SDK1: variants seen among roughly 807,000 people sequenced by gnomAD.
The protein encoded by SDK1 is sidekick cell adhesion molecule 1.
A neutral mutation model predicts 245.5 loss-of-function variants in SDK1; 157 were observed. The ratio of observed to expected loss-of-function variants is 0.64; its 90% confidence interval spans 0.56 to 0.73. SDK1 has a LOEUF of 0.73. Ranked by LOEUF, SDK1 falls within the 30% of genes least tolerant of loss-of-function variation. The probability of loss-of-function intolerance (pLI) is 0.00; values close to 1 mark genes in which losing one functional copy is unlikely to be tolerated. For missense variants in SDK1, 3,583 were observed against 3,002.3 expected, an observed-to-expected ratio of 1.19 and a Z score of -4.52; for synonymous variants, 1,647 against 1,278.5, an observed-to-expected ratio of 1.29 and a Z score of -6.15.
chr7:3,601,912 A>G (rs1341184572), intron 1 of SDK1, among the ~76,000 whole-genome samples: 2 of 148,158 alleles, frequency 1.3e-5, no homozygotes, highest in Admixed American at 1.4e-4. Context: ...CCACCTATGA[A>G]TGAGAACATG....
intron 32 of SDK1, among the ~76,000 whole-genome samples, chr7:4,170,377 G>T (rs1330420170): frequency 2.0e-5 from 3 of 152,062 alleles, no homozygotes; most frequent in Non-Finnish European, 2.9e-5. Flanking sequence ...AGCCCAGGAG[G>T]TCGAGGCTGC....
chr7:4,247,959 C>T (rs1052410923), intron 44 of SDK1, among the ~76,000 whole-genome samples: 11 of 152,106 alleles, frequency 7.2e-5, no homozygotes, highest in Admixed American at 3.3e-4. Flanking sequence ...CTAGAGCAGG[C>T]GGGCAGGATT....
At chr7:3,981,914 A>G (rs1480666922) in intron 13 of SDK1, among the ~76,000 whole-genome samples, 1 of 152,224 alleles carries the variant, frequency 6.6e-6, no homozygotes, top group East Asian at 1.9e-4. Context: ...AGGAACAGTG[A>G]CGAGGGTGGC....
chr7:3,506,376 AT>A (rs951821493), intron 1 of SDK1, among the ~76,000 whole-genome samples: 1 of 151,972 alleles, frequency 6.6e-6, no homozygotes, highest in African/African-American at 2.4e-5. Flanking sequence ...TGTAAGTTGT[AT>A]TTTTTCCCTT....
chr7:4,071,854 A>T (rs1228083380), intron 20 of SDK1, among the ~76,000 whole-genome samples: 1 of 152,184 alleles, frequency 6.6e-6, no homozygotes, highest in Non-Finnish European at 1.5e-5. Flanking sequence ...GCAGTCGGCC[A>T]TGTTTTGGAA....
chr7:4,196,171 A>G (rs1282363819), intron 35 of SDK1, among the ~76,000 whole-genome samples: 1 of 152,140 alleles, frequency 6.6e-6, no homozygotes, highest in East Asian at 1.9e-4. Flanking sequence ...TAACCCCTCA[A>G]GGCCTCGGCT....
chr7:3,723,433 A>C (rs1333161346), intron 4 of SDK1, among the ~76,000 whole-genome samples: 1 of 152,210 alleles, frequency 6.6e-6, no homozygotes, highest in Admixed American at 6.5e-5. Context: ...TAATAAGGGG[A>C]TCTCCCTGTG....
intron 5 of SDK1, among the ~76,000 whole-genome samples, chr7:3,897,719 C>T (rs964701566): frequency 3.3e-5 from 5 of 149,746 alleles, no homozygotes; most frequent in Non-Finnish European, 7.4e-5. Flanking sequence ...AGTCATCTCA[C>T]CATGTAGTTC....
intron 1 of SDK1, among the ~76,000 whole-genome samples, chr7:3,601,270 T>G (rs558457819): frequency 1.3e-5 from 2 of 152,352 alleles, no homozygotes; most frequent in South Asian, 2.1e-4. Flanking sequence ...TACTGTTTTC[T>G]GGACAAAATT....
chr7:4,128,196 C>T (rs1359189817), intron 26 of SDK1, among the ~76,000 whole-genome samples: 1 of 152,216 alleles, frequency 6.6e-6, no homozygotes, highest in Non-Finnish European at 1.5e-5. Context: ...CCAGCGAGGC[C>T]ACGCTTGTCT....
rs113953834 is a variant in SDK1, at chr7:3,945,804, C to T, written c.848-5119C>T. On this transcript the variant is annotated intron_variant, in intron 5 of 44. Transcript: ENST00000404826. Reference sequence around the variant, plus strand: ...ATCCCAGCTACCCAGGAGGCTGAGGCAGGAGAATGGTGTGAACCTGGGGAG... The same window carrying T: ...ATCCCAGCTACCCAGGAGGCTGAGGTAGGAGAATGGTGTGAACCTGGGGAG... Among the ~76,000 whole-genome samples, 1,033 of 141,618 alleles carry T rather than the reference C, an allele frequency of 7.3e-3. 11 individuals carry two copies. Among genetic ancestry groups the T allele is most frequent in the Non-Finnish European group, 0.011 (735 of 66,272 alleles). 92.9% of individuals were successfully genotyped at this position (141,618 alleles called of 152,430 possible).
chr7:3,550,735 G>A (rs1310517905), intron 1 of SDK1, among the ~76,000 whole-genome samples: 1 of 152,082 alleles, frequency 6.6e-6, no homozygotes, highest in Non-Finnish European at 1.5e-5. Context: ...ATATTAATAT[G>A]GATATTACTA....
intron 4 of SDK1, among the ~76,000 whole-genome samples, chr7:3,744,943 C>G (rs1057056093): frequency 6.6e-6 from 1 of 152,118 alleles, no homozygotes; most frequent in Non-Finnish European, 1.5e-5. Flanking sequence ...CTTTTTCCCT[C>G]ACGAAGGCCA....
intron 4 of SDK1, among the ~76,000 whole-genome samples, chr7:3,749,923 G>A (rs6971516): frequency 0.08 from 12,154 of 152,198 alleles, 1,516 homozygotes; most frequent in African/African-American, 0.27. Flanking sequence ...CCAGCTGTGT[G>A]AATCAATATA....
chr7:3,570,821 T>A (rs1303283887), intron 1 of SDK1, among the ~76,000 whole-genome samples: 1 of 149,748 alleles, frequency 6.7e-6, no homozygotes, highest in Non-Finnish European at 1.5e-5. Context: ...TAATGTTCTT[T>A]GTTTTGTTCA....
At chr7:3,413,122 T>C (rs1197728496) in intron 1 of SDK1, among the ~76,000 whole-genome samples, 3 of 152,120 alleles carry the variant, frequency 2.0e-5, no homozygotes, top group Non-Finnish European at 2.9e-5. Context: ...GGAAGTGATA[T>C]TTCAGCTAAA....
rs566710691 is a variant in SDK1 at position 4,149,485 on chromosome 7, C to G, written c.4625+22C>G. On this transcript the variant is annotated intron_variant, in intron 30 of 44. Coordinates refer to ENST00000404826, the MANE Select transcript of SDK1 (RefSeq NM_152744.4). Reference sequence around the variant, plus strand: ...ACAGGTACTGAGAGAGCAGGAGCACCTCCCCGGGGAACGGGGCCCTGGCCG... The same window carrying G: ...ACAGGTACTGAGAGAGCAGGAGCACGTCCCCGGGGAACGGGGCCCTGGCCG... 369 of 1,427,056 alleles carry G rather than the reference C, an allele frequency of 2.6e-4. 7 individuals are homozygous for G. In the Admixed American group the frequency reaches 0.01, roughly 39 times the overall value. 88.4% of individuals were successfully genotyped at this position (1,427,056 alleles called of 1,614,324 possible). A position where few individuals can be genotyped will look rare whatever the true frequency, so the allele number is the denominator to read the frequency against.
At chr7:4,193,005 A>G (rs929274750) in intron 35 of SDK1, among the ~76,000 whole-genome samples, 23 of 144,698 alleles carry the variant, frequency 1.6e-4, no homozygotes, top group African/African-American at 5.3e-4. Context: ...ATATAAATAT[A>G]TAATATATAA....
chr7:3,931,499 CAAT>C (rs1360326197), intron 5 of SDK1, among the ~76,000 whole-genome samples: 1 of 152,186 alleles, frequency 6.6e-6, no homozygotes, highest in African/African-American at 2.4e-5. Context: ...CGTCCCAAAA[CAAT>C]AAAGAGTAAG....
Sources: gnomAD v4.1 joint callset for allele counts (sites outside exome capture counted in the v4.1 genomes callset) on GRCh38, gnomAD v4.1.1 for gene constraint, MANE v1.5 for transcripts, NCBI Gene and HGNC (gene_info 2026-07-23, HGNC 2026-07-21) for gene names.